The following PAPPA2 variants were observed in gnomAD, a reference collection of about 807,000 sequenced individuals.
PAPPA2 encodes the protein pappalysin-2.
PAPPA2 carries 86 observed loss-of-function variants against 176.4 expected under a neutral mutation model. The observed-to-expected ratio is 0.49, with a 90% CI of 0.41 to 0.58. PAPPA2 has a LOEUF of 0.58. Among genes scored for constraint, PAPPA2 ranks in the 20% least tolerant of loss-of-function variants. The pLI is 0.00. For missense variants in PAPPA2, 2,073 were observed against 2,256.9 expected, an observed-to-expected ratio of 0.92 and a Z score of 1.65; for synonymous variants, 809 against 852.2, an observed-to-expected ratio of 0.95 and a Z score of 0.88.
chr1:176,686,431 C>A (rs1199505254), intron 4 of PAPPA2, among the ~76,000 whole-genome samples: 1 of 152,140 alleles, frequency 6.6e-6, no homozygotes, highest in Non-Finnish European at 1.5e-5. Flanking sequence ...CAATTACCTC[C>A]ACCTGGTCCC....
At chr1:176,759,288 T>C (rs1663582107) in intron 14 of PAPPA2, among the ~76,000 whole-genome samples, 1 of 152,206 alleles carries the variant, frequency 6.6e-6, no homozygotes, top group Non-Finnish European at 1.5e-5. Flanking sequence ...TTGTAGGAAG[T>C]TCTGAAATAT....
At chr1:176,732,388 T>G (rs1301511094) in intron 12 of PAPPA2, among the ~76,000 whole-genome samples, 4 of 152,182 alleles carry the variant, frequency 2.6e-5, no homozygotes, top group Non-Finnish European at 4.4e-5. Context: ...TCATATTACC[T>G]CTCTGGGCAT....
intron 21 of PAPPA2, among the ~76,000 whole-genome samples, chr1:176,822,216 C>T (rs567782176): frequency 1.0e-3 from 159 of 152,234 alleles, no homozygotes; most frequent in African/African-American, 3.6e-3. Flanking sequence ...TAGAAACTTT[C>T]GATTACTCCC....
rs201503164 is a variant in PAPPA2, at chr1:176,765,731, T to C, written c.4217T>C (p.Val1406Ala). The C allele has an allele frequency of 6.2e-7, 1 of 1,614,096 alleles. No individual in the cohort carries two copies. The highest frequency in any genetic ancestry group is 1.3e-5 in the African/African-American group (1 of 75,042). Residue 1406 changes from valine to alanine, a missense_variant, in exon 15 of 23, where the codon GTG becomes GCG. Around this residue, in one of 4 missense-constraint regions of PAPPA2, gnomAD observed 846 missense variants for 857.9 expected, o/e 0.99. Transcript: ENST00000367662. ...TCATTGCTGCTTGATCATGCTGATG[T>C]GGTGAACTGTACCTCTATAGGCCCA... is the stretch of plus-strand genomic sequence containing the variant. The part of the protein sequence containing the change: ...CPSLLLDHAD[V>A]VNCTSIGPGL...
chr1:176,665,024 C>T (rs929528742), intron 3 of PAPPA2, among the ~76,000 whole-genome samples: 5 of 152,020 alleles, frequency 3.3e-5, no homozygotes, highest in East Asian at 1.9e-4. Flanking sequence ...AGGAATTCTG[C>T]GTTTTCTACT....
intron 14 of PAPPA2, among the ~76,000 whole-genome samples, chr1:176,752,987 C>A (rs1663250337): frequency 6.6e-6 from 1 of 152,154 alleles, no homozygotes; most frequent in Non-Finnish European, 1.5e-5. Context: ...ATGGAGAATT[C>A]ACTGTAGATA....
intron 21 of PAPPA2, among the ~76,000 whole-genome samples, chr1:176,833,809 T>G (rs1227202454): frequency 2.0e-5 from 3 of 151,844 alleles, no homozygotes; most frequent in Non-Finnish European, 4.4e-5. Flanking sequence ...ACACATGACC[T>G]ACATATATAT....
At chr1:176,810,602 G>A (rs1247289996) in intron 21 of PAPPA2, among the ~76,000 whole-genome samples, 2 of 152,170 alleles carry the variant, frequency 1.3e-5, no homozygotes, top group African/African-American at 4.8e-5. Context: ...CTCACCTCCT[G>A]CTGTGTGGCC....
chr1:176,830,027 G>A (rs1346672488), intron 21 of PAPPA2, among the ~76,000 whole-genome samples: 3 of 152,196 alleles, frequency 2.0e-5, no homozygotes, highest in Non-Finnish European at 4.4e-5. Flanking sequence ...GATATTTTGG[G>A]GTGAGTAATT....
chr1:176,595,406 A>T lies in PAPPA2; in HGVS notation c.1802A>T (p.Glu601Val). Residue 601 changes from glutamate to valine, a missense_variant, in exon 3 of 23, where the codon GAG becomes GTG. This residue lies in a region of PAPPA2 where 1,196 missense variants were observed against 1,330.4 expected (regional missense o/e 0.90). Transcript: ENST00000367662. The stretch of plus-strand genomic sequence containing the variant: ...AATGACCATTGTGACCCCGAGTGTG[A>T]GCACCCACTCACAGGCTATGATGGG... ...IGNDHCDPECEHPLTGYDGGD... is the reference protein window; with the variant it reads ...IGNDHCDPECVHPLTGYDGGD... 1.2e-6 allele frequency: 2 copies of T among 1,614,188 alleles called. No homozygotes were observed. The highest frequency in any genetic ancestry group is 1.1e-5 in the South Asian group (1 of 91,082).
At chr1:176,823,711 A>G (rs1018660456) in intron 21 of PAPPA2, among the ~76,000 whole-genome samples, 18 of 152,316 alleles carry the variant, frequency 1.2e-4, no homozygotes, top group African/African-American at 4.1e-4. Context: ...ATTCCCTTGG[A>G]CTAAAAGTAA....
At chr1:176,640,447 G>T (rs1018413708) in intron 3 of PAPPA2, among the ~76,000 whole-genome samples, 7 of 148,800 alleles carry the variant, frequency 4.7e-5, no homozygotes, top group African/African-American at 1.5e-4. Context: ...GTGGTGTTTG[G>T]TTTTTCGTTC....
intron 3 of PAPPA2, among the ~76,000 whole-genome samples, chr1:176,649,983 C>T (rs764091409): frequency 1.3e-5 from 2 of 151,582 alleles, no homozygotes; most frequent in Non-Finnish European, 3.0e-5. Context: ...CTGTCCATTA[C>T]TCAGAATGGG....
chr1:176,592,120 G>T (rs1653704795), intron 2 of PAPPA2, among the ~76,000 whole-genome samples: 3 of 152,324 alleles, frequency 2.0e-5, no homozygotes, highest in African/African-American at 7.2e-5. Context: ...TATTTGCTAA[G>T]TATGCCTTTT....
intron 1 of PAPPA2, among the ~76,000 whole-genome samples, chr1:176,477,473 G>A (rs1348352128): frequency 2.6e-5 from 4 of 152,170 alleles, no homozygotes; most frequent in Non-Finnish European, 4.4e-5. Flanking sequence ...ATGGTTGGGT[G>A]CAGTGGCTCA....
intron 2 of PAPPA2, among the ~76,000 whole-genome samples, chr1:176,565,393 A>T (rs1436388627): frequency 6.6e-6 from 1 of 152,102 alleles, no homozygotes; most frequent in Admixed American, 6.5e-5. Context: ...TATGCCTCTG[A>T]CCCTCTAAAA....
intron 3 of PAPPA2, among the ~76,000 whole-genome samples, chr1:176,615,356 A>G (rs766832789): frequency 1.4e-4 from 21 of 152,094 alleles, no homozygotes; most frequent in Non-Finnish European, 5.9e-5. Flanking sequence ...TGTCGCCCAG[A>G]CTGGAGTGCA....
intron 19 of PAPPA2, among the ~76,000 whole-genome samples, chr1:176,791,707 C>T (rs143246063): frequency 0.016 from 2,378 of 152,234 alleles, 69 homozygotes; most frequent in African/African-American, 0.053. Flanking sequence ...ATGCCTGCCA[C>T]CACACCTGGC....
intron 3 of PAPPA2, among the ~76,000 whole-genome samples, chr1:176,617,647 C>CATAT (rs150600721): frequency 0.02 from 2,965 of 147,876 alleles, 50 homozygotes; most frequent in Middle Eastern, 0.056. Context: ...TTCCATGGCG[C>CATAT]ATATATATAT....
Sources: gnomAD v4.1 joint callset for allele counts (sites outside exome capture counted in the v4.1 genomes callset) on GRCh38, gnomAD v4.1.1 for gene constraint, gnomAD v4.1.1 regional missense constraint, MANE v1.5 for transcripts, NCBI Gene and HGNC (gene_info 2026-07-23, HGNC 2026-07-21) for gene names.